PPM1E: variants seen among roughly 807,000 people sequenced by gnomAD.
PPM1E encodes protein phosphatase 1E.
In PPM1E, 20 loss-of-function variants were observed where a neutral mutation model predicts 65.9. That is an observed-to-expected ratio of 0.30 (90% CI 0.21 to 0.44). PPM1E has a LOEUF of 0.44. Ranked by LOEUF, PPM1E falls within the 20% of genes least tolerant of loss-of-function variation. PPM1E has a pLI of 1.00. For missense variants in PPM1E, 713 were observed against 953.1 expected (o/e 0.75, Z 3.32); for synonymous variants, 352 against 374.9 (o/e 0.94, Z 0.70).
Position 58,984,800 on chromosome 17 carries a change from T to C in PPM1E, c.*3769T>C, listed in dbSNP as rs148245515. 6.6e-6 allele frequency: 1 copy of C among 152,576 alleles called. No homozygotes were observed. Among genetic ancestry groups the C allele is most frequent in the East Asian group, 1.9e-4 (1 of 5,194 alleles). The allele number at this position is 152,576 out of a possible 1,614,324, so 9.5% of individuals were successfully genotyped here. ...CTTCTATTTTGAAGACTATTTATTG[T>C]AATAATTAGAAAACATGAAATAGGG... On this transcript the variant is annotated 3_prime_UTR_variant, in exon 7 of 7. Transcript: ENST00000308249.
intron 1 of PPM1E, among the ~76,000 whole-genome samples, chr17:58,827,287 G>A (rs1449329436): frequency 2.6e-5 from 4 of 151,732 alleles, no homozygotes; most frequent in East Asian, 3.9e-4. Flanking sequence ...ATAGGTGCCC[G>A]CCACCATGCC....
At chr17:58,786,908 T>C (rs1382352382) in intron 1 of PPM1E, among the ~76,000 whole-genome samples, 5 of 152,202 alleles carry the variant, frequency 3.3e-5, no homozygotes, top group Admixed American at 1.3e-4. Flanking sequence ...TAGCTTTCTA[T>C]TGCTTAATTT....
At chr17:58,850,012 T>G (rs1482553862) in intron 1 of PPM1E, among the ~76,000 whole-genome samples, 5 of 152,210 alleles carry the variant, frequency 3.3e-5, no homozygotes, top group Non-Finnish European at 7.4e-5. Context: ...CTTGTTGAAT[T>G]GATCCCTTTA....
chr17:58,838,863 G>A (rs2050689333), intron 1 of PPM1E, among the ~76,000 whole-genome samples: 1 of 152,132 alleles, frequency 6.6e-6, no homozygotes, highest in Admixed American at 6.6e-5. Flanking sequence ...AAAGAAAGGA[G>A]ATATTAAACC....
At chr17:58,830,581 C>G (rs1296155276) in intron 1 of PPM1E, among the ~76,000 whole-genome samples, 1 of 152,096 alleles carries the variant, frequency 6.6e-6, no homozygotes, top group Admixed American at 6.5e-5. Flanking sequence ...GCTGGGATTA[C>G]AGGTGTGAAC....
At chr17:58,832,810 T>TTTTGTTTGTTTG (rs3059831) in intron 1 of PPM1E, among the ~76,000 whole-genome samples, 2,523 of 150,764 alleles carry the variant, frequency 0.017, 57 homozygotes, top group African/African-American at 0.054. Context: ...TTCACCAGGT[T>TTTTGTTTGTTTG]TTTGTTTGTT....
chr17:58,777,523 A>G (rs1346575176), intron 1 of PPM1E, among the ~76,000 whole-genome samples: 2 of 152,176 alleles, frequency 1.3e-5, no homozygotes, highest in Non-Finnish European at 2.9e-5. Flanking sequence ...CCAGTATGAA[A>G]CTTACCCAAG....
chr17:58,912,749 A>T (rs2051642033), intron 1 of PPM1E, among the ~76,000 whole-genome samples: 1 of 152,174 alleles, frequency 6.6e-6, no homozygotes, highest in Admixed American at 6.5e-5. Context: ...GGACCATGTG[A>T]TTAAAAGATT....
At chr17:58,867,467 TATAG>T (rs897155072) in intron 1 of PPM1E, among the ~76,000 whole-genome samples, 3 of 152,230 alleles carry the variant, frequency 2.0e-5, no homozygotes, top group Admixed American at 6.5e-5. Context: ...AGCCTCTTTT[TATAG>T]AATCCAAAAC....
chr17:58,931,136 C>T (rs1272689633), intron 1 of PPM1E, among the ~76,000 whole-genome samples: 2 of 151,038 alleles, frequency 1.3e-5, no homozygotes, highest in African/African-American at 4.9e-5. Flanking sequence ...TCTGTAATCC[C>T]AGCACTTTAG....
chr17:58,958,680 G>A (rs568511935), intron 2 of PPM1E, among the ~76,000 whole-genome samples: 5 of 151,720 alleles, frequency 3.3e-5, no homozygotes, highest in Non-Finnish European at 5.9e-5. Flanking sequence ...AATTATCGAG[G>A]GACAGTCCTC....
chr17:58,899,187 GAAA>G (rs954275159), intron 1 of PPM1E, among the ~76,000 whole-genome samples: 2 of 150,786 alleles, frequency 1.3e-5, no homozygotes, highest in African/African-American at 4.9e-5. Context: ...AAAAAAGAAT[GAAA>G]AAAAAATTAG....
At chr17:58,937,420 C>T (rs1406611189) in intron 1 of PPM1E, among the ~76,000 whole-genome samples, 4 of 150,162 alleles carry the variant, frequency 2.7e-5, no homozygotes, top group African/African-American at 4.9e-5. Flanking sequence ...CCCGCCACCA[C>T]GCCCATCTAA....
intron 1 of PPM1E, among the ~76,000 whole-genome samples, chr17:58,945,781 T>C (rs1454348974): frequency 6.6e-6 from 1 of 152,210 alleles, no homozygotes; most frequent in Middle Eastern, 3.2e-3. Context: ...TTATAAAGGA[T>C]ATAAATGAAC....
intron 1 of PPM1E, among the ~76,000 whole-genome samples, chr17:58,783,982 A>T (rs1211691790): frequency 6.6e-6 from 1 of 150,884 alleles, no homozygotes; most frequent in East Asian, 2.0e-4. Context: ...AAGTGTTGGG[A>T]TTACAGGTGT....
chr17:58,882,951 C>CTTTT (rs549698099), intron 1 of PPM1E, among the ~76,000 whole-genome samples: 210 of 98,792 alleles, frequency 2.1e-3, no homozygotes, highest in Non-Finnish European at 2.4e-3. Flanking sequence ...TTATTACTTT[C>CTTTT]TTTTTTTTTT....
chr17:58,812,886 A>G (rs1475800909), intron 1 of PPM1E, among the ~76,000 whole-genome samples: 1 of 152,192 alleles, frequency 6.6e-6, no homozygotes, highest in East Asian at 1.9e-4. Flanking sequence ...TTTATTTGGT[A>G]GATTTCCTCA....
In PPM1E at chr17:58,834,150, A is replaced by G. The variant is rs150123458; in HGVS notation, c.464+77689A>G. Among the ~76,000 whole-genome samples, 448 of 151,454 alleles carry G rather than the reference A, an allele frequency of 3.0e-3. 2 individuals are homozygous for G. The highest frequency in any genetic ancestry group is 0.01 in the African/African-American group (431 of 41,242). On this transcript the variant is annotated intron_variant, in intron 1 of 6. Coordinates refer to ENST00000308249, the MANE Select transcript of PPM1E (RefSeq NM_014906.5). The stretch of plus-strand genomic sequence containing the variant: ...TGTAGGGTTTTTTGTTTGTTTGTTT[A>G]TTTGTTTTATTTTTATTTTTTGGTG...
At position 58,955,652 on chromosome 17, in the gene PPM1E, T is replaced by C; in HGVS notation, c.468T>C (p.Asn156=). ...DLCLQQLYKY[N]CPSFLAAALA... Reference sequence around the variant, plus strand: ...CCTTTTATCTTTTTTCTTGCAGTAATTGCCCTTCCTTTTTGGCTGCTGCTT... The same window carrying C: ...CCTTTTATCTTTTTTCTTGCAGTAACTGCCCTTCCTTTTTGGCTGCTGCTT... The change falls in exon 2 of 7, where the codon AAT becomes AAC. Residue 156 remains asparagine, a synonymous_variant. Coordinates refer to ENST00000308249, the MANE Select transcript of PPM1E (RefSeq NM_014906.5). 2 of 1,613,430 alleles carry C rather than the reference T, an allele frequency of 1.2e-6. No individual in the cohort carries two copies. Among genetic ancestry groups the C allele is most frequent in the Non-Finnish European group, 1.7e-6 (2 of 1,179,904 alleles).
Sources: allele counts gnomAD v4.1 joint callset (sites outside exome capture counted in the v4.1 genomes callset), GRCh38; gene constraint gnomAD v4.1.1; transcripts MANE v1.5; gene names NCBI Gene and HGNC (gene_info 2026-07-23, HGNC 2026-07-21).